The following FSD1L variants were observed in gnomAD, a reference collection of about 807,000 sequenced individuals.
FSD1L encodes the protein fibronectin type III and SPRY domain containing 1 like.
Under a neutral mutation model 71.6 loss-of-function variants are expected in FSD1L, and 45 were observed. The observed-to-expected ratio is 0.63, with a 90% CI of 0.49 to 0.81. The LOEUF is 0.81. Ranked by LOEUF, FSD1L falls within the 30% of genes least tolerant of loss-of-function variation. The probability of loss-of-function intolerance (pLI) is 0.00; values close to 1 mark genes in which losing one functional copy is unlikely to be tolerated. For missense variants in FSD1L, 561 were observed against 618.1 expected (o/e 0.91, Z 0.98); for synonymous variants, 197 against 207.2 (o/e 0.95, Z 0.42).
In FSD1L at chr9:105,461,563, GT is replaced by G. The variant is rs1830700349; in HGVS notation, c.63del (p.Leu22Ter). 6.4e-7 allele frequency: 1 copy of G among 1,551,940 alleles called. No homozygotes were observed. The highest frequency in any genetic ancestry group is 8.7e-7 in the Non-Finnish European group (1 of 1,146,908). On this transcript the variant is annotated frameshift_variant, in exon 2 of 14. Coordinates refer to ENST00000481272, the MANE Select transcript of FSD1L (RefSeq NM_001145313.3). LOFTEE classifies it high-confidence loss of function. ...ENENVTVDKA[C>X]FLISNITIGP... ...GAAAACGTTACAGTTGATAAAGCCT[GT>G]TTTCTGATCTCTAACATCACTATTG...
intron 7 of FSD1L, among the ~76,000 whole-genome samples, chr9:105,501,188 A>T (rs1378939067): frequency 1.3e-5 from 2 of 152,098 alleles, no homozygotes; most frequent in Non-Finnish European, 2.9e-5. Context: ...TATTTATAAA[A>T]GCTCAGCAAT....
At chr9:105,467,950 G>A (rs973094981) in intron 3 of FSD1L, among the ~76,000 whole-genome samples, 1 of 152,108 alleles carries the variant, frequency 6.6e-6, no homozygotes, top group Non-Finnish European at 1.5e-5. Flanking sequence ...AGAGAGTATG[G>A]GCTAGTCCAT....
intron 4 of FSD1L, 87 bp from the exon 5 acceptor site, chr9:105,471,817 A>G: frequency 2.1e-6 from 1 of 474,476 alleles, no homozygotes; most frequent in Admixed American, 4.3e-5. Context: ...ATTATTTGTA[A>G]GTTCATTATA....
At chr9:105,447,316 T>TC (rs966471451), upstream of FSD1L, among the ~76,000 whole-genome samples, 2 of 89,152 alleles carry the variant, frequency 2.2e-5, no homozygotes, top group Non-Finnish European at 3.8e-5. Flanking sequence ...AGACCGAGAC[T>TC]CCATCTCCAA....
chr9:105,460,148 A>G (rs939198516), intron 1 of FSD1L, among the ~76,000 whole-genome samples: 2 of 152,194 alleles, frequency 1.3e-5, no homozygotes, highest in African/African-American at 4.8e-5. Flanking sequence ...TTCATATAGG[A>G]TATCATTCCC....
intron 6 of FSD1L, among the ~76,000 whole-genome samples, chr9:105,482,812 A>C (rs1477372434): frequency 6.6e-6 from 1 of 152,176 alleles, no homozygotes; most frequent in South Asian, 2.1e-4. Context: ...ATTGAATCAA[A>C]TCTTACAGGT....
rs1255467431 is a variant in FSD1L, at chr9:105,457,877, T to C, written c.16-3643T>C. 3.3e-5 allele frequency among the ~76,000 whole-genome samples: 5 copies of C among 152,346 alleles called. No individual in the cohort carries two copies. In the East Asian group the frequency reaches 5.8e-4, roughly 18 times the overall value. On this transcript the variant is annotated intron_variant, in intron 1 of 13. Coordinates refer to ENST00000481272, the MANE Select transcript of FSD1L (RefSeq NM_001145313.3). ...GGCACTGGCACAGTCACTGGCTCCA[T>C]GCGAGGCTGCAGCTGGACCAAGCAT...
chr9:105,521,017 A>G, intron 10 of FSD1L: 1 of 1,612,064 alleles, frequency 6.2e-7, no homozygotes, highest in Non-Finnish European at 8.5e-7. Flanking sequence ...ATTTTTCCAA[A>G]CATCTGTAAG....
chr9:105,479,393 AT>A lies in FSD1L; in HGVS notation c.464+22del. ...CAAGGATAGGTATGGTATAAAACAC[AT>A]TTTTACTTAAGTATAAATATTGAAG... On this transcript the variant is annotated intron_variant, in intron 6 of 13. Coordinates refer to ENST00000481272, the MANE Select transcript of FSD1L (RefSeq NM_001145313.3). 1 of 1,534,888 alleles carries A rather than the reference AT, an allele frequency of 6.5e-7. No homozygotes were observed. The highest frequency in any genetic ancestry group is 8.8e-7 in the Non-Finnish European group (1 of 1,134,680).
rs1378590768 is a variant in FSD1L at position 105,550,336 on chromosome 9, T to C, written c.*3853T>C. ...AAAAGTTTCTTCTTTGATTATGTAG[T>C]TACTCTAGATACATTCTTTTAGGGA... is the stretch of plus-strand genomic sequence containing the variant. On this transcript the variant is annotated 3_prime_UTR_variant, in exon 14 of 14. Transcript: ENST00000481272. 6.6e-6 allele frequency: 1 copy of C among 152,090 alleles called. No homozygotes were observed. The highest frequency in any genetic ancestry group is 1.9e-4 in the East Asian group (1 of 5,204). The allele number at this position is 152,090 out of a possible 1,614,324, so 9.4% of individuals were successfully genotyped here. A position where few individuals can be genotyped will look rare whatever the true frequency, so the allele number is the denominator to read the frequency against.
At chr9:105,452,986 C>G (rs1457541271) in intron 1 of FSD1L, among the ~76,000 whole-genome samples, 1 of 150,588 alleles carries the variant, frequency 6.6e-6, no homozygotes, top group Non-Finnish European at 1.5e-5. Flanking sequence ...ATTGACCCGC[C>G]TTGGCCTCCT....
At chr9:105,487,044 A>G (rs1832597117) in intron 7 of FSD1L, among the ~76,000 whole-genome samples, 1 of 152,162 alleles carries the variant, frequency 6.6e-6, no homozygotes, top group African/African-American at 2.4e-5. Context: ...ATAGTACAGC[A>G]AGAACTCAAA....
At chr9:105,449,714 C>CA (rs1442221038) in intron 1 of FSD1L, among the ~76,000 whole-genome samples, 10 of 152,144 alleles carry the variant, frequency 6.6e-5, no homozygotes, top group Non-Finnish European at 8.8e-5. Context: ...CCATAAAATA[C>CA]AAAAAAATGT....
intron 2 of FSD1L, among the ~76,000 whole-genome samples, chr9:105,462,187 AT>A (rs112158684): frequency 6.8e-6 from 1 of 146,252 alleles, no homozygotes. Context: ...ATGTTTTATA[AT>A]TTTTTTTGGT....
chr9:105,496,385 C>T (rs1833407327), intron 7 of FSD1L, among the ~76,000 whole-genome samples: 2 of 151,958 alleles, frequency 1.3e-5, no homozygotes. Context: ...GGATCCTTTG[C>T]CTTTCCATAT....
At chr9:105,487,886 G>A (rs1832659590) in intron 7 of FSD1L, among the ~76,000 whole-genome samples, 1 of 152,146 alleles carries the variant, frequency 6.6e-6, no homozygotes, top group South Asian at 2.1e-4. Context: ...TTTTAGAGCA[G>A]TTTTAAGTTT....
In FSD1L at chr9:105,551,966, C is replaced by T. The variant is rs1837282513; in HGVS notation, c.*5483C>T. ...CACTGAACATTTGACAACTTTGTTG[C>T]ATTATCATTTTTAAAAAAAGATGAA... On this transcript the variant is annotated 3_prime_UTR_variant, in exon 14 of 14. Coordinates refer to ENST00000481272, the MANE Select transcript of FSD1L (RefSeq NM_001145313.3). 2 of 152,134 alleles carry T rather than the reference C, an allele frequency of 1.3e-5. No individual in the cohort carries two copies. The highest frequency in any genetic ancestry group is 4.1e-4 in the South Asian group (2 of 4,830). The allele number at this position is 152,134 out of a possible 1,614,324, so 9.4% of individuals were successfully genotyped here.
intron 5 of FSD1L, among the ~76,000 whole-genome samples, chr9:105,475,382 A>C (rs1047471961): frequency 3.9e-5 from 6 of 152,190 alleles, no homozygotes; most frequent in Admixed American, 2.0e-4. Flanking sequence ...TATTTCCCAC[A>C]TCTCACTTGT....
Position 105,462,726 on chromosome 9 carries a change from T to C in FSD1L, c.111+1111T>C, listed in dbSNP as rs550687459. Among the ~76,000 whole-genome samples, 1,391 of 151,058 alleles carry C rather than the reference T, an allele frequency of 9.2e-3. 21 individuals carry two copies. The highest frequency in any genetic ancestry group is 0.032 in the African/African-American group (1,331 of 41,198). Reference sequence around the variant, plus strand: ...TTAGTAGAGACGGGGTTTCACCATGTTGGCCAGGCTGGTCTCAAACTCCTG... The same window carrying C: ...TTAGTAGAGACGGGGTTTCACCATGCTGGCCAGGCTGGTCTCAAACTCCTG... On this transcript the variant is annotated intron_variant, in intron 2 of 13. Coordinates refer to ENST00000481272, the MANE Select transcript of FSD1L (RefSeq NM_001145313.3).
Sources: allele counts gnomAD v4.1 joint callset (sites outside exome capture counted in the v4.1 genomes callset), GRCh38; gene constraint gnomAD v4.1.1; transcripts MANE v1.5; gene names NCBI Gene and HGNC (gene_info 2026-07-23, HGNC 2026-07-21).